SCLT1: variants seen among roughly 807,000 people sequenced by gnomAD.
The protein encoded by SCLT1 is sodium channel and clathrin linker 1, also known as sodium channel-associated protein 1.
A neutral mutation model predicts 112.8 loss-of-function variants in SCLT1; 78 were observed. The ratio of observed to expected loss-of-function variants is 0.69; its 90% CI spans 0.58 to 0.83. SCLT1 has a LOEUF of 0.83. Among genes scored for constraint, SCLT1 ranks in the 40% least tolerant of loss-of-function variants. The probability of loss-of-function intolerance (pLI) is 0.00; values close to 1 mark genes in which losing one functional copy is unlikely to be tolerated. For synonymous variants in SCLT1, 257 were observed against 254.7 expected (o/e 1.01, Z -0.09); for missense variants, 747 against 770.4 (o/e 0.97, Z 0.36).
intron 10 of SCLT1, among the ~76,000 whole-genome samples, chr4:128,968,687 G>A (rs773746006): frequency 2.0e-4 from 31 of 151,990 alleles, no homozygotes; most frequent in South Asian, 8.3e-4. Flanking sequence ...ACTCTGTTTC[G>A]TTCTTTTGAG....
Position 129,044,126 on chromosome 4 carries a change from T to C in SCLT1, c.103-75A>G, listed in dbSNP as rs368122874. On this transcript the variant is annotated intron_variant, in intron 2 of 20. Transcript: ENST00000281142. ...AAATTGATAGTGATATAATATTAAA[T>C]GCAATTAAATTTTCATAATCTTAGA... 1.4e-5 allele frequency: 10 copies of C among 716,748 alleles called. No homozygotes were observed. In the South Asian group the frequency reaches 1.7e-4, roughly 12 times the overall value. 44.4% of individuals were successfully genotyped at this position (716,748 alleles called of 1,614,324 possible). A position where few individuals can be genotyped will look rare whatever the true frequency, so the allele number is the denominator to read the frequency against.
At chr4:128,883,290 A>G (rs1460178580), downstream of SCLT1, among the ~76,000 whole-genome samples, 2 of 151,972 alleles carry the variant, frequency 1.3e-5, no homozygotes, top group African/African-American at 2.4e-5. Flanking sequence ...GTGTGGGAGG[A>G]AGCTGAAGAG....
chr4:128,943,003 T>C lies in SCLT1; in HGVS notation c.1625A>G (p.Lys542Arg). ...CTCTAGTCTTGAAAATACCTTTACT[T>C]TGGCTTTTTTTTGAGCCTCCAGGGC... ...KIALEAQKKA[K>R]VKISTMEHEF... is the part of the protein sequence containing the mutation. The change falls in exon 17 of 21, where the codon AAA becomes AGA. Residue 542 changes from lysine (K) to arginine (R), a missense_variant. Lys to Arg is a conservative substitution (Grantham distance 26, BLOSUM62 2). Coordinates refer to ENST00000281142, the MANE Select transcript of SCLT1 (RefSeq NM_144643.4). The C allele has an allele frequency of 6.2e-7, 1 of 1,604,266 alleles. No individual in the cohort carries two copies. Among genetic ancestry groups the C allele is most frequent in the Non-Finnish European group, 8.5e-7 (1 of 1,175,750 alleles).
Position 128,884,373 on chromosome 4 carries a change from C to T in SCLT1, c.*104G>A. 1 of 693,866 alleles carries T rather than the reference C, an allele frequency of 1.4e-6. No homozygotes were observed. The highest frequency in any genetic ancestry group is 2.5e-6 in the Non-Finnish European group (1 of 399,216). The allele number at this position is 693,866 out of a possible 1,614,324, so 43.0% of individuals were successfully genotyped here. On this transcript the variant is annotated 3_prime_UTR_variant, in exon 21 of 21. Coordinates refer to ENST00000281142, the MANE Select transcript of SCLT1 (RefSeq NM_144643.4). ...GAACAACAATGCTTACGCGAAATAA[C>T]ACAAGCCTTAACTATTATACTTTGC...
At position 129,025,042 on chromosome 4, in the gene SCLT1, G is replaced by A. The variant is rs1249043092; in HGVS notation, c.290+13999C>T. 7.2e-5 allele frequency among the ~76,000 whole-genome samples: 11 copies of A among 152,170 alleles called. 1 individual carries two copies. The highest frequency in any genetic ancestry group is 1.7e-4 in the African/African-American group (7 of 41,446). ...CAAACAAAGCCTCCAAGAAATATGG[G>A]ACTATGTGAAAAGACCAAATCTACG... On this transcript the variant is annotated intron_variant, in intron 5 of 20. Transcript: ENST00000281142.
intron 20 of SCLT1, among the ~76,000 whole-genome samples, chr4:128,887,125 T>C (rs145496503): frequency 1.8e-4 from 27 of 152,264 alleles, no homozygotes; most frequent in African/African-American, 6.3e-4. Context: ...TTGCCCAAAG[T>C]CACAAGCTTT....
At chr4:128,992,321 A>G in intron 8 of SCLT1, 84 bp from the exon 9 acceptor site, 1 of 844,000 alleles carries the variant, frequency 1.2e-6, no homozygotes, top group African/African-American at 1.8e-5. Flanking sequence ...TACAAGTAGA[A>G]AAAAAGTTTA....
At chr4:129,062,735 G>A (rs747201235) in intron 2 of SCLT1, among the ~76,000 whole-genome samples, 16 of 152,004 alleles carry the variant, frequency 1.1e-4, no homozygotes, top group Admixed American at 2.6e-4. Flanking sequence ...TGATCTGTAA[G>A]GTATCTGTTG....
chr4:128,957,710 T>C (rs919789018), intron 12 of SCLT1, among the ~76,000 whole-genome samples: 1 of 152,146 alleles, frequency 6.6e-6, no homozygotes, highest in South Asian at 2.1e-4. Flanking sequence ...CCAAGACTTT[T>C]CCTCTCAATC....
intron 13 of SCLT1, among the ~76,000 whole-genome samples, chr4:128,953,748 G>A (rs1470974560): frequency 6.7e-6 from 1 of 148,752 alleles, no homozygotes. Context: ...GCAGTGAGCC[G>A]AGATGGCGCC....
chr4:128,945,560 A>G (rs570719937), intron 16 of SCLT1, among the ~76,000 whole-genome samples: 1 of 152,140 alleles, frequency 6.6e-6, no homozygotes, highest in Non-Finnish European at 1.5e-5. Context: ...ATTAGGTAAT[A>G]CCGTCGGGGT....
At chr4:128,992,381 G>A (rs1742652111) in intron 8 of SCLT1, 144 bp from the exon 9 acceptor site, 2 of 553,964 alleles carry the variant, frequency 3.6e-6, no homozygotes, top group South Asian at 5.3e-5. Context: ...ACATAACCTT[G>A]GCCTTCTTTC....
intron 20 of SCLT1, 61 bp downstream of exon 20, chr4:128,888,618 A>C: frequency 1.1e-6 from 1 of 882,242 alleles, no homozygotes; most frequent in Admixed American, 2.4e-5. Context: ...GTTCCCTGGG[A>C]ACTTCTAAAA....
chr4:129,087,598 A>G (rs1752501096), intron 1 of SCLT1, among the ~76,000 whole-genome samples: 1 of 151,688 alleles, frequency 6.6e-6, no homozygotes, highest in Non-Finnish European at 1.5e-5. Context: ...AATAAAAAAT[A>G]AAAATATTAG....
At chr4:129,048,402 G>A (rs976421280) in intron 2 of SCLT1, among the ~76,000 whole-genome samples, 3 of 151,324 alleles carry the variant, frequency 2.0e-5, no homozygotes, top group African/African-American at 7.3e-5. Context: ...TTAATAAATG[G>A]TGCTGGGAAA....
intron 5 of SCLT1, among the ~76,000 whole-genome samples, chr4:129,024,268 CCCCTGAG>C (rs747670083): frequency 6.6e-6 from 1 of 152,036 alleles, no homozygotes; most frequent in Admixed American, 6.6e-5. Flanking sequence ...TGACCCCTGA[CCCCTGAG>C]CAGCCTAACT....
rs147865885 is a variant in SCLT1 at position 129,023,654 on chromosome 4, T to A, written c.290+15387A>T. Among the ~76,000 whole-genome samples, 249 of 152,210 alleles carry A rather than the reference T, an allele frequency of 1.6e-3. 2 individuals carry two copies. Among genetic ancestry groups the A allele is most frequent in the East Asian group, 0.014 (71 of 5,170 alleles). ...CTGCATTTCCATCTGAGGTACTGGG[T>A]TCATCTCACTAGGGGGTGCCAGACA... On this transcript the variant is annotated intron_variant, in intron 5 of 20. Transcript: ENST00000281142.
chr4:129,002,522 T>C (rs1252394698), intron 6 of SCLT1, among the ~76,000 whole-genome samples: 1 of 151,986 alleles, frequency 6.6e-6, no homozygotes, highest in Non-Finnish European at 1.5e-5. Flanking sequence ...AAATAATGGA[T>C]TTTTTCCTTT....
chr4:128,967,695 GT>G (rs1163526217), intron 10 of SCLT1, among the ~76,000 whole-genome samples: 17 of 150,914 alleles, frequency 1.1e-4, no homozygotes, highest in South Asian at 8.4e-4. Context: ...ACTTTTTAAT[GT>G]TTTTTTTTCT....
Sources: allele counts gnomAD v4.1 joint callset (sites outside exome capture counted in the v4.1 genomes callset), GRCh38; gene constraint gnomAD v4.1.1; transcripts MANE v1.5; gene names NCBI Gene and HGNC (gene_info 2026-07-23, HGNC 2026-07-21).